VGLL4: variants seen among roughly 807,000 people sequenced by gnomAD.
VGLL4 encodes the protein vestigial like family member 4, also known as transcription cofactor vestigial-like protein 4.
A neutral mutation model predicts 21.0 loss-of-function variants in VGLL4; 7 were observed. That is an observed-to-expected ratio of 0.33 (90% CI 0.19 to 0.63). The LOEUF is 0.63. Among genes scored for constraint, VGLL4 ranks in the 20% least tolerant of loss-of-function variants. VGLL4 has a pLI of 0.78. For missense variants in VGLL4, 394 were observed against 425.7 expected (o/e 0.93, Z 0.66); for synonymous variants, 222 against 173.2 (o/e 1.28, Z -2.21).
At chr3:11,560,695 G>T (rs114292484) in intron 3 of VGLL4, among the ~76,000 whole-genome samples, 182 of 152,286 alleles carry the variant, frequency 1.2e-3, no homozygotes, top group African/African-American at 4.2e-3. Context: ...GGTAGGGGGG[G>T]ATGTGGCTTA....
In VGLL4 at chr3:11,601,868, G is replaced by A. The variant is rs934878024; in HGVS notation, c.237C>T (p.His79=). 6 of 1,613,682 alleles carry A rather than the reference G, an allele frequency of 3.7e-6. No homozygotes were observed. The Admixed American group carries it at 6.7e-5, about 18-fold the overall frequency. ...GDEDLDCDND[H]VSKMSRIFNP... ...TGAAGATGCGACTCATTTTGGAGACGTGGTCGTTGTCACAGTCTAGGTCCT... is the reference window on the plus strand; with the variant it reads ...TGAAGATGCGACTCATTTTGGAGACATGGTCGTTGTCACAGTCTAGGTCCT... Residue 79 remains histidine (H), a synonymous_variant, in exon 2 of 5, where the codon CAC becomes CAT. Coordinates refer to ENST00000430365, the MANE Select transcript of VGLL4 (RefSeq NM_001128219.3).
At chr3:11,652,084 T>A (rs1011389193) in intron 2 of VGLL4, among the ~76,000 whole-genome samples, 5 of 152,154 alleles carry the variant, frequency 3.3e-5, no homozygotes, top group Non-Finnish European at 7.3e-5. Flanking sequence ...TTTAAATGGG[T>A]CTTCAGATCA....
At chr3:11,574,834 T>TGC (rs1293748849) in intron 2 of VGLL4, among the ~76,000 whole-genome samples, 9 of 147,328 alleles carry the variant, frequency 6.1e-5, no homozygotes, top group Non-Finnish European at 1.0e-4. Flanking sequence ...TGTGTGTGTG[T>TGC]GTGTATTTTA....
intron 2 of VGLL4, among the ~76,000 whole-genome samples, chr3:11,696,369 T>G (rs1400052635): frequency 6.6e-6 from 1 of 152,230 alleles, no homozygotes; most frequent in Admixed American, 6.5e-5. Context: ...TGAAACCTAT[T>G]TGTCTCCCTC....
Position 11,666,738 on chromosome 3 carries a change from C to T in VGLL4, c.64+36233G>A, listed in dbSNP as rs140373836. The stretch of plus-strand genomic sequence containing the variant: ...TCCAGAGCCAAAGACATTCTGTAAA[C>T]ACCAAAAGGGCATCTCTAAGGACCT... On this transcript the variant is annotated intron_variant, in intron 2 of 5. Transcript: ENST00000273038. Among the ~76,000 whole-genome samples the T allele has an allele frequency of 1.7e-4, 26 of 152,280 alleles. No individual in the cohort carries two copies. The East Asian group carries it at 5.0e-3, about 29-fold the overall frequency.
intron 2 of VGLL4, among the ~76,000 whole-genome samples, chr3:11,566,699 C>T (rs952797793): frequency 6.6e-6 from 1 of 152,196 alleles, no homozygotes; most frequent in African/African-American, 2.4e-5. Context: ...CCGTCCTGCG[C>T]TGCCAACCAC....
chr3:11,641,861 A>G (rs1432952638), intron 1 of VGLL4, among the ~76,000 whole-genome samples: 2 of 152,178 alleles, frequency 1.3e-5, no homozygotes, highest in Non-Finnish European at 2.9e-5. Flanking sequence ...CCAATCGGAG[A>G]CAGGAAAAAC....
intron 2 of VGLL4, among the ~76,000 whole-genome samples, chr3:11,573,151 G>A (rs1424823460): frequency 1.3e-5 from 2 of 150,754 alleles, no homozygotes; most frequent in Non-Finnish European, 2.9e-5. Flanking sequence ...GGGTGACAGG[G>A]CAAGACTCCG....
intron 1 of VGLL4, among the ~76,000 whole-genome samples, chr3:11,630,461 A>G (rs1353189009): frequency 6.6e-6 from 1 of 152,036 alleles, no homozygotes; most frequent in Non-Finnish European, 1.5e-5. Flanking sequence ...CCTGTCCAAC[A>G]TGGTGTGACC....
At chr3:11,584,464 T>C (rs1256538807) in intron 2 of VGLL4, among the ~76,000 whole-genome samples, 2 of 151,978 alleles carry the variant, frequency 1.3e-5, no homozygotes, top group Non-Finnish European at 2.9e-5. Flanking sequence ...GACAGATGCA[T>C]ACAGCTGCTG....
Position 11,557,195 on chromosome 3 carries a change from T to G in VGLL4, c.*1361A>C, listed in dbSNP as rs1455211722. On this transcript the variant is annotated 3_prime_UTR_variant, in exon 5 of 5. Coordinates refer to ENST00000430365, the MANE Select transcript of VGLL4 (RefSeq NM_001128219.3). ...GTGACCTCCACAGCTGTGTCTGTCA[T>G]GCTTGCTTCATCTAATTTCTAGTTA... 6.5e-6 allele frequency: 1 copy of G among 152,714 alleles called. No individual in the cohort carries two copies. The highest frequency in any genetic ancestry group is 2.4e-5 in the African/African-American group (1 of 41,468). 9.5% of individuals were successfully genotyped at this position (152,714 alleles called of 1,614,324 possible). A position where few individuals can be genotyped will look rare whatever the true frequency, so the allele number is the denominator to read the frequency against.
At chr3:11,681,161 G>A (rs978941706) in intron 2 of VGLL4, among the ~76,000 whole-genome samples, 15 of 152,154 alleles carry the variant, frequency 9.9e-5, no homozygotes, top group African/African-American at 3.1e-4. Flanking sequence ...GCAGTGGCGC[G>A]ATCTCCGCTC....
At chr3:11,583,730 GC>G (rs973786307) in intron 2 of VGLL4, among the ~76,000 whole-genome samples, 2 of 152,166 alleles carry the variant, frequency 1.3e-5, no homozygotes, top group Admixed American at 6.5e-5. Flanking sequence ...AGTGGCCATA[GC>G]CCCCTCAGCT....
At chr3:11,642,023 A>T (rs952933448) in intron 1 of VGLL4, among the ~76,000 whole-genome samples, 25 of 106,558 alleles carry the variant, frequency 2.3e-4, no homozygotes, top group Non-Finnish European at 2.8e-4. Context: ...GGGGATGGTT[A>T]AAAAAAAAAA....
chr3:11,700,140 A>G (rs1190178916), intron 2 of VGLL4, among the ~76,000 whole-genome samples: 1 of 152,078 alleles, frequency 6.6e-6, no homozygotes, highest in Non-Finnish European at 1.5e-5. Context: ...CTTTATCTTT[A>G]TATGCCCCTT....
intron 2 of VGLL4, among the ~76,000 whole-genome samples, chr3:11,654,098 C>A (rs920064406): frequency 6.6e-5 from 10 of 152,052 alleles, no homozygotes; most frequent in South Asian, 2.1e-4. Context: ...CCACCACCAC[C>A]ACAACAAAGC....
intron 2 of VGLL4, among the ~76,000 whole-genome samples, chr3:11,659,752 T>C (rs2076012490): frequency 6.6e-6 from 1 of 152,242 alleles, no homozygotes; most frequent in Admixed American, 6.5e-5. Context: ...AACACAGTAC[T>C]TCAGTAGACA....
At position 11,633,131 on chromosome 3, in the gene VGLL4, C is replaced by T. The variant is rs181268756; in HGVS notation, c.82+10306G>A. The stretch of plus-strand genomic sequence containing the variant: ...AAGAAACTCACTTGTATCACCAACT[C>T]GCTGAGTATCCTTGGGCTAGTCAGG... On this transcript the variant is annotated intron_variant, in intron 1 of 4. Coordinates refer to ENST00000430365, the MANE Select transcript of VGLL4 (RefSeq NM_001128219.3). 1.8e-4 allele frequency: 27 copies of T among 152,340 alleles called. No homozygotes were observed. In the East Asian group the frequency reaches 4.4e-3, roughly 25 times the overall value. The allele number at this position is 152,340 out of a possible 1,614,324, so 9.4% of individuals were successfully genotyped here.
chr3:11,648,711 G>C (rs901181846), upstream of VGLL4, among the ~76,000 whole-genome samples: 1 of 152,082 alleles, frequency 6.6e-6, no homozygotes, highest in Non-Finnish European at 1.5e-5. Flanking sequence ...GGAAAAAATT[G>C]AAAAACCACT....
Sources: gnomAD v4.1 joint callset for allele counts (sites outside exome capture counted in the v4.1 genomes callset) on GRCh38, gnomAD v4.1.1 for gene constraint, MANE v1.5 for transcripts, NCBI Gene and HGNC (gene_info 2026-07-23, HGNC 2026-07-21) for gene names.